The following SUSD1 variants were observed in gnomAD, a reference collection of about 807,000 sequenced individuals.
The protein encoded by SUSD1 is sushi domain-containing protein 1.
SUSD1 carries 65 observed loss-of-function variants against 86.9 expected under a neutral mutation model. The observed-to-expected ratio is 0.75, with a 90% CI of 0.61 to 0.92. SUSD1 has a LOEUF of 0.92. SUSD1 is among the 40% of genes least tolerant of loss of function. The pLI, the probability that SUSD1 is intolerant of heterozygous loss-of-function variation, is 0.00. For synonymous variants in SUSD1, 346 were observed against 350.0 expected (o/e 0.99, Z 0.13); for missense variants, 850 against 929.7 (o/e 0.91, Z 1.11).
At chr9:112,058,207 G>C (rs923020233) in intron 14 of SUSD1, among the ~76,000 whole-genome samples, 3 of 152,186 alleles carry the variant, frequency 2.0e-5, no homozygotes, top group Non-Finnish European at 4.4e-5. Flanking sequence ...AACCAGGTCA[G>C]TCCAAATGTT....
intron 5 of SUSD1, among the ~76,000 whole-genome samples, chr9:112,138,281 G>GTATATACACATAT (rs1491304710): frequency 1.7e-4 from 8 of 47,220 alleles, no homozygotes; most frequent in Non-Finnish European, 3.0e-4. Context: ...ATATATATAT[G>GTATATACACATAT]AAGTCCAGGA....
chr9:112,112,930 A>G (rs1272257851), intron 6 of SUSD1, 62 bp from the exon 7 acceptor site: 2 of 983,122 alleles, frequency 2.0e-6, no homozygotes, highest in East Asian at 4.9e-5. Context: ...AAAATTCTAA[A>G]GGAGATCAGT....
chr9:112,051,713 T>C (rs1653915846), intron 15 of SUSD1, among the ~76,000 whole-genome samples: 1 of 151,962 alleles, frequency 6.6e-6, no homozygotes, highest in South Asian at 2.1e-4. Context: ...TTACAGTTTT[T>C]CTTAATATTA....
chr9:112,076,562 T>C (rs959326457), intron 12 of SUSD1, among the ~76,000 whole-genome samples: 5 of 152,184 alleles, frequency 3.3e-5, no homozygotes, highest in Non-Finnish European at 7.3e-5. Flanking sequence ...GATTTGCGTA[T>C]TAGATGTTCA....
intron 6 of SUSD1, among the ~76,000 whole-genome samples, chr9:112,115,778 C>T (rs1236024324): frequency 8.2e-6 from 1 of 122,596 alleles, no homozygotes; most frequent in Non-Finnish European, 1.6e-5. Context: ...CACTGCACTG[C>T]AGCCTGGGCG....
At chr9:112,105,093 A>T (rs1830781822) in intron 8 of SUSD1, 1 of 152,162 alleles carries the variant, frequency 6.6e-6, no homozygotes, top group South Asian at 2.1e-4. Context: ...TAAAAAGGGA[A>T]CTAGATGAGA....
At chr9:112,133,762 C>T (rs930886155) in intron 5 of SUSD1, among the ~76,000 whole-genome samples, 1 of 152,114 alleles carries the variant, frequency 6.6e-6, no homozygotes, top group African/African-American at 2.4e-5. Flanking sequence ...AAGAAACTAT[C>T]AACAAAGGAA....
chr9:112,076,528 G>C (rs1351348518), intron 12 of SUSD1, among the ~76,000 whole-genome samples: 2 of 152,200 alleles, frequency 1.3e-5, no homozygotes, highest in Non-Finnish European at 2.9e-5. Flanking sequence ...CGAGGGCAGA[G>C]GTGAGAAATC....
chr9:112,164,892 C>T (rs945290871), intron 1 of SUSD1, among the ~76,000 whole-genome samples: 13 of 152,128 alleles, frequency 8.5e-5, no homozygotes, highest in African/African-American at 3.1e-4. Flanking sequence ...TGCAGTGAGC[C>T]GAGATTGCAC....
chr9:112,119,246 C>A (rs1795210017), intron 6 of SUSD1, among the ~76,000 whole-genome samples: 1 of 152,214 alleles, frequency 6.6e-6, no homozygotes, highest in African/African-American at 2.4e-5. Flanking sequence ...CATGCTCAGC[C>A]AGCAGTAGCT....
At chr9:112,059,626 T>A (rs1051534918) in intron 13 of SUSD1, among the ~76,000 whole-genome samples, 1 of 152,236 alleles carries the variant, frequency 6.6e-6, no homozygotes, top group African/African-American at 2.4e-5. Flanking sequence ...TAATATGTCA[T>A]GTATGCACTG....
intron 12 of SUSD1, among the ~76,000 whole-genome samples, chr9:112,071,172 A>G (rs891286072): frequency 1.3e-5 from 2 of 152,152 alleles, no homozygotes; most frequent in African/African-American, 4.8e-5. Context: ...TTAAGTGCAA[A>G]AAAGTAGGTC....
At chr9:112,168,349 A>G (rs1372323384) in intron 1 of SUSD1, among the ~76,000 whole-genome samples, 1 of 152,194 alleles carries the variant, frequency 6.6e-6, no homozygotes, top group East Asian at 1.9e-4. Flanking sequence ...CCCAGAAACC[A>G]TAATATTCAA....
intron 4 of SUSD1, among the ~76,000 whole-genome samples, chr9:112,142,810 C>G (rs1832635796): frequency 1.3e-5 from 2 of 151,958 alleles, no homozygotes; most frequent in South Asian, 4.2e-4. Context: ...TTGCAAAATA[C>G]CTTAAGATAT....
At chr9:112,060,222 C>T (rs1828656040) in intron 13 of SUSD1, among the ~76,000 whole-genome samples, 1 of 152,076 alleles carries the variant, frequency 6.6e-6, no homozygotes, top group Admixed American at 6.6e-5. Flanking sequence ...CCACCAGGTT[C>T]CCAAACATCC....
chr9:112,162,800 T>C (rs1833626733), intron 1 of SUSD1, among the ~76,000 whole-genome samples: 1 of 152,212 alleles, frequency 6.6e-6, no homozygotes, highest in Non-Finnish European at 1.5e-5. Context: ...CTATCTCTCC[T>C]CATGGAGTAA....
chr9:112,120,467 C>A (rs1831507315), intron 6 of SUSD1, among the ~76,000 whole-genome samples: 1 of 152,164 alleles, frequency 6.6e-6, no homozygotes, highest in African/African-American at 2.4e-5. Flanking sequence ...ACCTACCCAC[C>A]CAGAGATCAT....
intron 12 of SUSD1, among the ~76,000 whole-genome samples, chr9:112,070,622 G>A (rs758393049): frequency 3.3e-5 from 5 of 152,128 alleles, no homozygotes; most frequent in African/African-American, 7.2e-5. Flanking sequence ...TACCATCCTC[G>A]GATGTCAGGA....
chr9:112,053,513 CAAAAAA>C (rs56987871), intron 14 of SUSD1, among the ~76,000 whole-genome samples: 5 of 77,666 alleles, frequency 6.4e-5, no homozygotes, highest in Non-Finnish European at 8.8e-5. Flanking sequence ...GACTTCGTCT[CAAAAAA>C]AAAAAAAAAA....
Sources: allele counts gnomAD v4.1 joint callset (sites outside exome capture counted in the v4.1 genomes callset), GRCh38; gene constraint gnomAD v4.1.1; transcripts MANE v1.5; gene names NCBI Gene and HGNC (gene_info 2026-07-23, HGNC 2026-07-21).